Variants in CNTNAP2 observed in about 807,000 individuals in gnomAD.
The protein encoded by CNTNAP2 is contactin-associated protein-like 2.
Under a neutral mutation model 155.2 loss-of-function variants are expected in CNTNAP2, and 98 were observed. That is an observed-to-expected ratio of 0.63 (90% CI 0.54 to 0.75). CNTNAP2 has a LOEUF of 0.75. Among genes scored for constraint, CNTNAP2 ranks in the 30% least tolerant of loss-of-function variants. The pLI is 0.00. For missense variants in CNTNAP2, 1,727 were observed against 1,688.1 expected (o/e 1.02, Z -0.40); for synonymous variants, 651 against 631.2 (o/e 1.03, Z -0.47).
intron 8 of CNTNAP2, among the ~76,000 whole-genome samples, chr7:147,240,601 T>C (rs1010438890): frequency 2.0e-5 from 3 of 152,192 alleles, no homozygotes; most frequent in Non-Finnish European, 2.9e-5. Flanking sequence ...GCCTCTGTGG[T>C]GTTCGAGTTC....
chr7:146,150,205 C>G lies in CNTNAP2; in HGVS notation c.97+33232C>G, dbSNP rs537296692. 2.0e-5 allele frequency among the ~76,000 whole-genome samples: 3 copies of G among 152,162 alleles called. No individual in the cohort carries two copies. In the South Asian group the frequency reaches 6.2e-4, roughly 32 times the overall value. On this transcript the variant is annotated intron_variant, in intron 1 of 23. Transcript: ENST00000361727. Reference sequence around the variant, plus strand: ...TGTAAATTAAAAGCAAAATCAAATACTATTGCACACTCACTAGAATTGCTA... The same window carrying G: ...TGTAAATTAAAAGCAAAATCAAATAGTATTGCACACTCACTAGAATTGCTA...
chr7:146,123,727 T>TA (rs778367532), intron 1 of CNTNAP2, among the ~76,000 whole-genome samples: 2 of 152,088 alleles, frequency 1.3e-5, no homozygotes, highest in Non-Finnish European at 2.9e-5. Flanking sequence ...TTTGTATTGT[T>TA]AAAAAAACAG....
chr7:147,782,531 C>A (rs1428982956), intron 13 of CNTNAP2, among the ~76,000 whole-genome samples: 1 of 152,182 alleles, frequency 6.6e-6, no homozygotes, highest in Non-Finnish European at 1.5e-5. Flanking sequence ...CAGATAGTTC[C>A]TTCTTGCAGC....
intron 21 of CNTNAP2, among the ~76,000 whole-genome samples, chr7:148,293,230 A>AT (rs201892548): frequency 0.01 from 1,553 of 152,276 alleles, 26 homozygotes; most frequent in African/African-American, 0.036. Context: ...CAAGCATGGT[A>AT]TTTTTTGTGT....
intron 1 of CNTNAP2, among the ~76,000 whole-genome samples, chr7:146,595,615 C>T (rs1208378914): frequency 6.6e-6 from 1 of 152,010 alleles, no homozygotes; most frequent in Non-Finnish European, 1.5e-5. Flanking sequence ...CATTAAGCTG[C>T]AAAATTGCCT....
chr7:146,598,829 A>T (rs1798903318), intron 1 of CNTNAP2, among the ~76,000 whole-genome samples: 1 of 152,074 alleles, frequency 6.6e-6, no homozygotes, highest in Admixed American at 6.6e-5. Flanking sequence ...CTTTACTCAG[A>T]ACTGTTTCCC....
At chr7:147,572,634 C>T (rs1019819608) in intron 12 of CNTNAP2, among the ~76,000 whole-genome samples, 4 of 151,926 alleles carry the variant, frequency 2.6e-5, no homozygotes, top group African/African-American at 7.2e-5. Context: ...TGTTTGATTA[C>T]CTCTGGCACT....
intron 1 of CNTNAP2, among the ~76,000 whole-genome samples, chr7:146,698,432 T>C (rs1800820041): frequency 6.6e-6 from 1 of 152,170 alleles, no homozygotes; most frequent in Admixed American, 6.5e-5. Flanking sequence ...TTCTAGGCTG[T>C]ACTTTTATTT....
At chr7:146,880,783 A>G (rs1228744918) in intron 3 of CNTNAP2, among the ~76,000 whole-genome samples, 5 of 152,178 alleles carry the variant, frequency 3.3e-5, no homozygotes, top group Non-Finnish European at 5.9e-5. Context: ...ACTCAAACTT[A>G]CAGAGGGCTG....
chr7:148,281,904 C>T (rs60962426), intron 21 of CNTNAP2, among the ~76,000 whole-genome samples: 21,800 of 142,710 alleles, frequency 0.15, 2,069 homozygotes, highest in African/African-American at 0.27. Context: ...GGCGTGATCT[C>T]AGCTCACTGC....
chr7:147,126,373 A>T (rs1801237247), intron 6 of CNTNAP2, among the ~76,000 whole-genome samples: 1 of 152,224 alleles, frequency 6.6e-6, no homozygotes, highest in Non-Finnish European at 1.5e-5. Flanking sequence ...TTGAATATTA[A>T]TCGGACAACT....
rs552626729 is a variant in CNTNAP2 at position 146,473,882 on chromosome 7, G to C, written c.98-300389G>C. Among the ~76,000 whole-genome samples the C allele has an allele frequency of 7.2e-5, 11 of 152,160 alleles. No individual in the cohort carries two copies. In the South Asian group the frequency reaches 1.5e-3, roughly 20 times the overall value. ...TCTTTAAAAATCATATTTACATTTT[G>C]ATTACTTCTGTCTTGTAGAATAAAA... On this transcript the variant is annotated intron_variant, in intron 1 of 23. Coordinates refer to ENST00000361727, the MANE Select transcript of CNTNAP2 (RefSeq NM_014141.6).
chr7:146,549,336 G>T (rs1355632467), intron 1 of CNTNAP2, among the ~76,000 whole-genome samples: 1 of 151,762 alleles, frequency 6.6e-6, no homozygotes, highest in Non-Finnish European at 1.5e-5. Context: ...TTCTGCCAGA[G>T]CAAAATGTAT....
intron 1 of CNTNAP2, among the ~76,000 whole-genome samples, chr7:146,698,384 T>C (rs1800819403): frequency 6.6e-6 from 1 of 152,154 alleles, no homozygotes; most frequent in Admixed American, 6.6e-5. Flanking sequence ...TCTGAGAAAG[T>C]CATTATTTCC....
At chr7:147,546,895 A>C (rs932697272) in intron 11 of CNTNAP2, among the ~76,000 whole-genome samples, 2 of 152,164 alleles carry the variant, frequency 1.3e-5, no homozygotes, top group Non-Finnish European at 2.9e-5. Context: ...TGCATGCATG[A>C]GGCCACATCA....
intron 13 of CNTNAP2, among the ~76,000 whole-genome samples, chr7:147,860,603 A>AAAAAAAAAAAAAAAAAT (rs1554442605): frequency 6.6e-6 from 1 of 151,032 alleles, no homozygotes; most frequent in Non-Finnish European, 1.5e-5. Flanking sequence ...AAAAAAAAAA[A>AAAAAAAAAAAAAAAAAT]GTGTTTGGCA....
intron 1 of CNTNAP2, among the ~76,000 whole-genome samples, chr7:146,523,536 AT>A (rs917730175): frequency 1.1e-4 from 16 of 151,210 alleles, no homozygotes; most frequent in African/African-American, 3.4e-4. Context: ...TCCTTAATCT[AT>A]TTTTTTTTAC....
intron 9 of CNTNAP2, among the ~76,000 whole-genome samples, chr7:147,336,848 G>A (rs1795673052): frequency 6.6e-6 from 1 of 151,982 alleles, no homozygotes; most frequent in African/African-American, 2.4e-5. Flanking sequence ...GAACTCTATG[G>A]AAAATTTCAC....
intron 1 of CNTNAP2, among the ~76,000 whole-genome samples, chr7:146,208,347 CAG>C (rs1371370502): frequency 6.6e-6 from 1 of 151,678 alleles, no homozygotes; most frequent in Non-Finnish European, 1.5e-5. Context: ...CTAAGTGTAA[CAG>C]AATTTCTATA....
Sources: allele counts gnomAD v4.1 joint callset (sites outside exome capture counted in the v4.1 genomes callset), GRCh38; gene constraint gnomAD v4.1.1; transcripts MANE v1.5; gene names NCBI Gene and HGNC (gene_info 2026-07-23, HGNC 2026-07-21).